FAM89A: variants seen among roughly 807,000 people sequenced by gnomAD.
FAM89A encodes the protein protein FAM89A.
In FAM89A, 10 loss-of-function variants were observed where a neutral mutation model predicts 7.1. The observed-to-expected ratio is 1.40, with a 90% confidence interval of 0.86 to 2.38. FAM89A has a LOEUF of 2.38. Among genes scored for constraint, FAM89A ranks in the 30% most tolerant of loss-of-function variants. The pLI is 0.00. For missense variants in FAM89A, 276 were observed against 262.8 expected (o/e 1.05, Z -0.35); for synonymous variants, 157 against 129.3 (o/e 1.21, Z -1.45).
rs947249583 is a variant in FAM89A, at chr1:231,022,162, G to A, written c.292-2036C>T. Reference sequence around the variant, plus strand: ...GTAGGAAAAAGATCAACCACAAACAGTACCACTCCATTCATATATGAAGTA... The same window carrying A: ...GTAGGAAAAAGATCAACCACAAACAATACCACTCCATTCATATATGAAGTA... On this transcript the variant is annotated intron_variant, in intron 1 of 1. Coordinates refer to ENST00000366654, the MANE Select transcript of FAM89A (RefSeq NM_198552.3). 1.4e-5 allele frequency: 15 copies of A among 1,094,306 alleles called. No individual in the cohort carries two copies. The African/African-American group carries it at 2.3e-4, about 17-fold the overall frequency. The allele number at this position is 1,094,306 out of a possible 1,614,324, so 67.8% of individuals were successfully genotyped here.
intron 1 of FAM89A, among the ~76,000 whole-genome samples, chr1:231,031,974 C>T (rs868069118): frequency 2.8e-4 from 42 of 152,244 alleles, no homozygotes; most frequent in Middle Eastern, 3.4e-3. Flanking sequence ...ATGCCCAAGG[C>T]GCCTTTCCAA....
At chr1:231,024,520 G>GCGCACACACACA (rs1553308539) in intron 1 of FAM89A, among the ~76,000 whole-genome samples, 3 of 144,438 alleles carry the variant, frequency 2.1e-5, no homozygotes, top group African/African-American at 7.7e-5. Context: ...TACATTGCAT[G>GCGCACACACACA]CACACACACA....
chr1:231,027,416 G>T (rs1288608901), intron 1 of FAM89A, among the ~76,000 whole-genome samples: 2 of 152,106 alleles, frequency 1.3e-5, no homozygotes, highest in African/African-American at 4.8e-5. Context: ...CATGGCAAAA[G>T]TTCAGACGGA....
intron 1 of FAM89A, among the ~76,000 whole-genome samples, chr1:231,024,104 CTCTT>C (rs1354353465): frequency 1.3e-5 from 2 of 151,926 alleles, no homozygotes; most frequent in Non-Finnish European, 2.9e-5. Context: ...CATAGTTCAA[CTCTT>C]TCTTTGTTAC....
intron 1 of FAM89A, among the ~76,000 whole-genome samples, chr1:231,020,890 C>CA (rs753721952): frequency 6.6e-6 from 1 of 152,220 alleles, no homozygotes; most frequent in Non-Finnish European, 1.5e-5. Context: ...CCACCCATCC[C>CA]AGAGAAAAGA....
chr1:231,033,594 A>C (rs1680109892), intron 1 of FAM89A, among the ~76,000 whole-genome samples: 1 of 152,206 alleles, frequency 6.6e-6, no homozygotes, highest in Non-Finnish European at 1.5e-5. Context: ...GCTATTGCTC[A>C]CTTGAGGCTA....
Position 231,019,413 on chromosome 1 carries a change from T to C in FAM89A, c.*450A>G, listed in dbSNP as rs1313113375. The C allele has an allele frequency of 6.3e-6, 1 of 158,622 alleles. No homozygotes were observed. Among genetic ancestry groups the C allele is most frequent in the Non-Finnish European group, 1.4e-5 (1 of 71,566 alleles). 9.8% of individuals were successfully genotyped at this position (158,622 alleles called of 1,614,324 possible). ...ACAGCAAGAAAAGCTGCAGAGCATATTGAGGAAGGGAAGCAGTGAAATGGT... is the reference window on the plus strand; with the variant it reads ...ACAGCAAGAAAAGCTGCAGAGCATACTGAGGAAGGGAAGCAGTGAAATGGT... On this transcript the variant is annotated 3_prime_UTR_variant, in exon 2 of 2. Transcript: ENST00000366654.
chr1:231,037,152 T>A (rs1680169779), intron 1 of FAM89A, among the ~76,000 whole-genome samples: 1 of 152,164 alleles, frequency 6.6e-6, no homozygotes, highest in Non-Finnish European at 1.5e-5. Flanking sequence ...CAAAGAGACC[T>A]GGTAGGGTCT....
Position 231,033,639 on chromosome 1 carries a change from T to C in FAM89A, c.291+6282A>G, listed in dbSNP as rs145027936. ...GAAGAGGTGCCCACACTGCCAATTA[T>C]TGGGGCACCTTTACATTTACATTGA... On this transcript the variant is annotated intron_variant, in intron 1 of 1. Coordinates refer to ENST00000366654, the MANE Select transcript of FAM89A (RefSeq NM_198552.3). 7.6e-4 allele frequency among the ~76,000 whole-genome samples: 116 copies of C among 152,258 alleles called. 1 individual carries two copies. The East Asian group carries it at 0.017, about 22-fold the overall frequency.
At chr1:231,022,529 AC>A (rs1473918923) in intron 1 of FAM89A, among the ~76,000 whole-genome samples, 1 of 151,924 alleles carries the variant, frequency 6.6e-6, no homozygotes, top group African/African-American at 2.4e-5. Context: ...CGGGCACACC[AC>A]CTTTTGTCCC....
chr1:231,020,210 G>A lies in FAM89A; in HGVS notation c.292-84C>T, dbSNP rs925350781. 86 of 1,365,516 alleles carry A rather than the reference G, an allele frequency of 6.3e-5. 1 individual carries two copies. Among genetic ancestry groups the A allele is most frequent in the Admixed American group, 2.9e-4 (12 of 41,452 alleles). The allele number at this position is 1,365,516 out of a possible 1,614,324, so 84.6% of individuals were successfully genotyped here. A position where few individuals can be genotyped will look rare whatever the true frequency, so the allele number is the denominator to read the frequency against. ...GTGGAACACTCAGCCGGCGATCTGC[G>A]CCTGCCAGCACATTCCTTCCACACG... On this transcript the variant is annotated intron_variant, in intron 1 of 1. Transcript: ENST00000366654.
Position 231,025,067 on chromosome 1 carries a change from C to T in FAM89A, c.292-4941G>A, listed in dbSNP as rs576908104. Among the ~76,000 whole-genome samples, 113 of 152,054 alleles carry T rather than the reference C, an allele frequency of 7.4e-4. 1 individual carries two copies. The highest frequency in any genetic ancestry group is 2.6e-3 in the African/African-American group (108 of 41,490). On this transcript the variant is annotated intron_variant, in intron 1 of 1. Coordinates refer to ENST00000366654, the MANE Select transcript of FAM89A (RefSeq NM_198552.3). ...CCTCCCGAGTAGCTGGGACTACAGG[C>T]GCTCGCCACTACGTCCGGCTAATTT...
At chr1:231,020,969 T>C (rs1679866047) in intron 1 of FAM89A, among the ~76,000 whole-genome samples, 1 of 152,188 alleles carries the variant, frequency 6.6e-6, no homozygotes, top group Non-Finnish European at 1.5e-5. Context: ...GTTAAGCCTC[T>C]TGGAAATGCA....
chr1:231,024,520 GCACACACACACACA>G (rs3220109), intron 1 of FAM89A, among the ~76,000 whole-genome samples: 7 of 144,542 alleles, frequency 4.8e-5, no homozygotes, highest in Non-Finnish European at 7.5e-5. Flanking sequence ...TACATTGCAT[GCACACACACACACA>G]CACACACACA....
intron 1 of FAM89A, among the ~76,000 whole-genome samples, chr1:231,035,133 C>T (rs959879886): frequency 6.6e-6 from 1 of 152,220 alleles, no homozygotes; most frequent in East Asian, 1.9e-4. Context: ...AAGGACTGTA[C>T]TCCACTGGGG....
intron 1 of FAM89A, among the ~76,000 whole-genome samples, chr1:231,036,832 C>T (rs1680163120): frequency 6.6e-6 from 1 of 152,210 alleles, no homozygotes; most frequent in African/African-American, 2.4e-5. Flanking sequence ...TCAGCTGATG[C>T]GATGACAAAT....
chr1:231,036,431 A>G (rs1680155989), intron 1 of FAM89A, among the ~76,000 whole-genome samples: 2 of 152,144 alleles, frequency 1.3e-5, no homozygotes, highest in Admixed American at 6.5e-5. Flanking sequence ...AATCATCATC[A>G]TCAACTTTTT....
intron 1 of FAM89A, among the ~76,000 whole-genome samples, chr1:231,031,229 T>A (rs1273138334): frequency 6.6e-6 from 1 of 152,214 alleles, no homozygotes; most frequent in Non-Finnish European, 1.5e-5. Flanking sequence ...GACGTGCTGT[T>A]TTGGTTGAAG....
At chr1:231,021,828 G>T (rs959768437) in intron 1 of FAM89A, 1 of 1,600,366 alleles carries the variant, frequency 6.2e-7, no homozygotes, top group African/African-American at 1.3e-5. Context: ...GTTGACAAAA[G>T]AAGAAGACCA....
Sources: allele counts gnomAD v4.1 joint callset (sites outside exome capture counted in the v4.1 genomes callset), GRCh38; gene constraint gnomAD v4.1.1; transcripts MANE v1.5; gene names NCBI Gene and HGNC (gene_info 2026-07-23, HGNC 2026-07-21).